ROBO2: variants seen among roughly 807,000 people sequenced by gnomAD.
ROBO2 encodes roundabout guidance receptor 2.
In ROBO2, 53 loss-of-function variants were observed where a neutral mutation model predicts 160.8. The ratio of observed to expected loss-of-function variants is 0.33; its 90% CI spans 0.26 to 0.41. The LOEUF (loss-of-function observed/expected upper bound fraction) is 0.41, where lower values mean the gene tolerates loss of function less well. Ranked by LOEUF, ROBO2 falls within the 10% of genes least tolerant of loss-of-function variation. ROBO2 has a pLI of 1.00. For missense variants in ROBO2, 1,577 were observed against 1,722.4 expected, an observed-to-expected ratio of 0.92 and a Z score of 1.49; for synonymous variants, 664 against 611.7, an observed-to-expected ratio of 1.09 and a Z score of -1.26.
chr3:76,905,484 T>C (rs895304241), intron 2 of ROBO2, among the ~76,000 whole-genome samples: 16 of 152,158 alleles, frequency 1.1e-4, no homozygotes, highest in African/African-American at 3.9e-4. Flanking sequence ...CTATGGTTTG[T>C]TCCCATTAGT....
intron 2 of ROBO2, among the ~76,000 whole-genome samples, chr3:77,122,737 T>C (rs547764099): frequency 1.3e-5 from 2 of 152,352 alleles, no homozygotes; most frequent in South Asian, 2.1e-4. Context: ...TGTGGTAATA[T>C]TGTGAGCACT....
At chr3:76,398,225 A>C (rs968229913) in intron 2 of ROBO2, among the ~76,000 whole-genome samples, 1 of 151,824 alleles carries the variant, frequency 6.6e-6, no homozygotes, top group Non-Finnish European at 1.5e-5. Flanking sequence ...TATCGCAAGG[A>C]GAAAAAACCA....
chr3:76,586,237 TA>T (rs2086031348), intron 2 of ROBO2, among the ~76,000 whole-genome samples: 1 of 152,244 alleles, frequency 6.6e-6, no homozygotes, highest in Non-Finnish European at 1.5e-5. Flanking sequence ...TAGGTACATT[TA>T]AATGGTCATT....
intron 2 of ROBO2, among the ~76,000 whole-genome samples, chr3:76,170,089 GA>G (rs1179524457): frequency 1.3e-5 from 2 of 151,980 alleles, no homozygotes; most frequent in Non-Finnish European, 2.9e-5. Flanking sequence ...CATCGTTAAG[GA>G]TTTTTAAAAA....
At chr3:76,128,935 A>C (rs2071112877) in intron 2 of ROBO2, among the ~76,000 whole-genome samples, 1 of 152,138 alleles carries the variant, frequency 6.6e-6, no homozygotes, top group African/African-American at 2.4e-5. Flanking sequence ...TAACTTGTGA[A>C]TAATCATTTT....
chr3:77,065,105 G>A (rs2066705562), intron 1 of ROBO2, among the ~76,000 whole-genome samples: 1 of 152,234 alleles, frequency 6.6e-6, no homozygotes, highest in Admixed American at 6.5e-5. Context: ...ATACATCAGA[G>A]GGAACTGCAT....
intron 2 of ROBO2, among the ~76,000 whole-genome samples, chr3:76,791,482 C>G (rs2063347779): frequency 1.3e-5 from 2 of 151,380 alleles, no homozygotes; most frequent in Admixed American, 6.6e-5. Context: ...CTCTCTCTCT[C>G]TGTGTTTTTC....
At chr3:76,662,084 G>T (rs2091845619) in intron 2 of ROBO2, among the ~76,000 whole-genome samples, 1 of 152,054 alleles carries the variant, frequency 6.6e-6, no homozygotes, top group Admixed American at 6.5e-5. Context: ...AGAGAGGAGG[G>T]TGTAAGGAGA....
At chr3:77,294,719 G>A (rs1293261952) in intron 2 of ROBO2, among the ~76,000 whole-genome samples, 1 of 148,128 alleles carries the variant, frequency 6.8e-6, no homozygotes, top group Admixed American at 6.7e-5. Context: ...AAGACATGAA[G>A]TAAAATTGAT....
chr3:76,746,877 C>T (rs1576386616), intron 2 of ROBO2, among the ~76,000 whole-genome samples: 1 of 151,998 alleles, frequency 6.6e-6, no homozygotes, highest in East Asian at 1.9e-4. Context: ...TATTGTGTTC[C>T]CACTTATAAG....
At chr3:76,537,390 GA>G (rs1433823226) in intron 2 of ROBO2, among the ~76,000 whole-genome samples, 12 of 152,100 alleles carry the variant, frequency 7.9e-5, no homozygotes, top group Admixed American at 2.0e-4. Context: ...AGGTATTGCA[GA>G]AAAATAAGAC....
At chr3:76,811,147 A>G (rs188171943) in intron 2 of ROBO2, among the ~76,000 whole-genome samples, 75 of 152,262 alleles carry the variant, frequency 4.9e-4, no homozygotes, top group African/African-American at 1.6e-3. Context: ...GGAAAAGACT[A>G]TCTTTAGGTT....
At chr3:76,257,381 T>C (rs1293691745) in intron 2 of ROBO2, among the ~76,000 whole-genome samples, 4 of 152,168 alleles carry the variant, frequency 2.6e-5, no homozygotes, top group African/African-American at 7.2e-5. Context: ...GTTTATTTTC[T>C]ATAATATCTA....
Position 76,542,265 on chromosome 3 carries a change from T to C in ROBO2, c.110-555749T>C, listed in dbSNP as rs77234467. Among the ~76,000 whole-genome samples the C allele has an allele frequency of 3.6e-3, 546 of 152,306 alleles. 4 individuals are homozygous for C. Among genetic ancestry groups the C allele is most frequent in the African/African-American group, 0.012 (519 of 41,564 alleles). On this transcript the variant is annotated intron_variant, in intron 2 of 26. Transcript: ENST00000487694. ...CTCTGGAATGTCTTATAGGGTCTAG[T>C]GATGCAGGAATGTATAATAGTGATC...
chr3:77,579,681 T>G (rs1433337103), intron 15 of ROBO2, among the ~76,000 whole-genome samples: 2 of 152,186 alleles, frequency 1.3e-5, no homozygotes, highest in South Asian at 2.1e-4. Context: ...GAGCATGCAG[T>G]GCTGAGAATA....
intron 2 of ROBO2, among the ~76,000 whole-genome samples, chr3:76,312,588 C>T (rs2071670696): frequency 6.6e-6 from 1 of 152,222 alleles, no homozygotes; most frequent in African/African-American, 2.4e-5. Flanking sequence ...TATACCATCA[C>T]ATTACTATAT....
At chr3:76,344,540 G>A (rs1191123023) in intron 2 of ROBO2, among the ~76,000 whole-genome samples, 1 of 152,120 alleles carries the variant, frequency 6.6e-6, no homozygotes, top group African/African-American at 2.4e-5. Context: ...GTCGGGATAG[G>A]AGTTATTTGT....
At position 76,906,901 on chromosome 3, in the gene ROBO2, A is replaced by T. The variant is rs117679771; in HGVS notation, c.110-191113A>T. Among the ~76,000 whole-genome samples the T allele has an allele frequency of 1.6e-4, 25 of 152,308 alleles. 2 individuals carry two copies. In the East Asian group the frequency reaches 4.4e-3, roughly 27 times the overall value. ...CATTTTGAATTCATATTTGGTTAAG[A>T]TCCATTTATAATTCTGAATAAATTT... On this transcript the variant is annotated intron_variant, in intron 2 of 26. Coordinates refer to the ROBO2 transcript ENST00000487694.
intron 2 of ROBO2, among the ~76,000 whole-genome samples, chr3:77,271,056 T>A (rs1039831279): frequency 1.3e-5 from 2 of 152,134 alleles, no homozygotes; most frequent in African/African-American, 4.8e-5. Context: ...GGTACATTTT[T>A]ATATTTTTTA....
Sources: gnomAD v4.1 joint callset for allele counts (sites outside exome capture counted in the v4.1 genomes callset) on GRCh38, gnomAD v4.1.1 for gene constraint, MANE v1.5 for transcripts, NCBI Gene and HGNC (gene_info 2026-07-23, HGNC 2026-07-21) for gene names.